ZNF410: variants seen among roughly 807,000 people sequenced by gnomAD.
ZNF410 encodes zinc finger protein 410.
In ZNF410, 18 loss-of-function variants were observed where a neutral mutation model predicts 54.8. That is an observed-to-expected ratio of 0.33 (90% CI 0.23 to 0.49). The LOEUF (loss-of-function observed/expected upper bound fraction) is 0.49. Ranked by LOEUF, ZNF410 falls within the 20% of genes least tolerant of loss-of-function variation. The pLI is 0.99. For synonymous variants in ZNF410, 191 were observed against 207.3 expected (o/e 0.92, Z 0.68); for missense variants, 405 against 569.6 (o/e 0.71, Z 2.94).
At chr14:73,906,716 T>C (rs1273403816) in intron 7 of ZNF410, among the ~76,000 whole-genome samples, 2 of 152,128 alleles carry the variant, frequency 1.3e-5, no homozygotes, top group Non-Finnish European at 2.9e-5. Context: ...TGACCTCAAG[T>C]GATCCGCCGA....
chr14:73,905,677 G>C (rs1422750737), intron 7 of ZNF410: 1 of 152,122 alleles, frequency 6.6e-6, no homozygotes, highest in Admixed American at 6.6e-5. Flanking sequence ...ACTTGGTCCA[G>C]CGTGAGCTAG....
chr14:73,888,766 G>A (rs967302733), intron 1 of ZNF410, among the ~76,000 whole-genome samples: 2 of 152,160 alleles, frequency 1.3e-5, no homozygotes, highest in South Asian at 2.1e-4. Context: ...ACGTTGCTCT[G>A]TTAAAGATGA....
At chr14:73,910,716 G>A (rs1486339295) in intron 8 of ZNF410, among the ~76,000 whole-genome samples, 1 of 141,780 alleles carries the variant, frequency 7.1e-6, no homozygotes, top group Non-Finnish European at 1.5e-5. Context: ...TTGCACCGTT[G>A]CACTCCAGCC....
chr14:73,928,471 C>T (rs529298230), intron 11 of ZNF410, among the ~76,000 whole-genome samples: 1 of 152,244 alleles, frequency 6.6e-6, no homozygotes, highest in South Asian at 2.1e-4. Flanking sequence ...ACTGAAGAAC[C>T]ACTGCATGGT....
At chr14:73,905,964 CACACATATATATAT>C (rs1473200524) in intron 7 of ZNF410, among the ~76,000 whole-genome samples, 9 of 100,604 alleles carry the variant, frequency 8.9e-5, no homozygotes, top group African/African-American at 2.2e-4. Flanking sequence ...CACACACACA[CACACATATATATAT>C]ATATATATAT....
At chr14:73,905,230 C>A in intron 7 of ZNF410, 147 bp downstream of exon 7, 1 of 741,900 alleles carries the variant, frequency 1.3e-6, no homozygotes, top group Non-Finnish European at 2.1e-6. Context: ...TTTCAAATGA[C>A]TTGTTGCACT....
At chr14:73,925,947 T>C (rs1237571550) in intron 11 of ZNF410, among the ~76,000 whole-genome samples, 1 of 152,120 alleles carries the variant, frequency 6.6e-6, no homozygotes, top group East Asian at 1.9e-4. Flanking sequence ...AGTAGGAGGA[T>C]CACCTAAGCC....
At chr14:73,908,375 T>A (rs1437800591) in intron 7 of ZNF410, among the ~76,000 whole-genome samples, 3 of 150,040 alleles carry the variant, frequency 2.0e-5, no homozygotes, top group African/African-American at 5.0e-5. Context: ...ATTACTAAAA[T>A]TTTTTTTTTA....
At chr14:73,896,012 T>A (rs1172145478) in intron 3 of ZNF410, among the ~76,000 whole-genome samples, 1 of 152,234 alleles carries the variant, frequency 6.6e-6, no homozygotes, top group Non-Finnish European at 1.5e-5. Flanking sequence ...AAGGAGAAAG[T>A]ACTGATTTCT....
chr14:73,889,300 A>G (rs938909565), intron 1 of ZNF410, among the ~76,000 whole-genome samples: 8 of 151,962 alleles, frequency 5.3e-5, no homozygotes, highest in Non-Finnish European at 1.0e-4. Flanking sequence ...CAGCCTCCCT[A>G]GTAGCTAGGA....
Position 73,903,761 on chromosome 14 carries a change from A to G in ZNF410, c.581-199A>G, listed in dbSNP as rs2055441793. The stretch of plus-strand genomic sequence containing the variant: ...AGCAGTCCTCCCACCTTGGCTTCCC[A>G]AAGTGCTTGGGATTATAGGTGTGAG... On this transcript the variant is annotated intron_variant, in intron 5 of 11. Coordinates refer to ENST00000555044, the MANE Select transcript of ZNF410 (RefSeq NM_021188.3). 1.6e-5 allele frequency: 11 copies of G among 669,250 alleles called. No individual in the cohort carries two copies. In the South Asian group the frequency reaches 2.5e-4, roughly 15 times the overall value. 41.5% of individuals were successfully genotyped at this position (669,250 alleles called of 1,614,324 possible).
rs915546850 is a variant in ZNF410 at position 73,909,366 on chromosome 14, C to G, written c.939C>G (p.Ala313=). Residue 313 remains alanine, a synonymous_variant, in exon 8 of 12, where the codon GCC becomes GCG. Transcript: ENST00000555044. ...HTGEKPFLCE[A]QGCGRSFAEY... is the part of the protein sequence containing the mutation. ...GAGAGAAACCTTTCCTTTGTGAAGC[C>G]CAAGGATGTGGCCGTTCCTTTGCTG... is the stretch of plus-strand genomic sequence containing the variant. 3.1e-6 allele frequency: 5 copies of G among 1,613,838 alleles called. No individual in the cohort carries two copies. Among genetic ancestry groups the G allele is most frequent in the African/African-American group, 1.3e-5 (1 of 74,856 alleles).
chr14:73,910,893 TAAG>T (rs1473452392), intron 8 of ZNF410, among the ~76,000 whole-genome samples: 4 of 136,704 alleles, frequency 2.9e-5, no homozygotes, highest in East Asian at 4.2e-4. Flanking sequence ...GTAGTGAAGA[TAAG>T]GAGGGAAAGG....
intron 9 of ZNF410, 33 bp from the exon 10 acceptor site, chr14:73,922,033 C>T (rs1266641110): frequency 1.2e-6 from 2 of 1,611,266 alleles, no homozygotes. Flanking sequence ...GCCTTGATTG[C>T]TGTATGTCTC....
intron 7 of ZNF410, among the ~76,000 whole-genome samples, chr14:73,906,755 A>G (rs556226725): frequency 1.2e-4 from 19 of 152,274 alleles, no homozygotes; most frequent in Non-Finnish European, 2.5e-4. Context: ...CTGAGATTAT[A>G]TATGTGAACC....
At chr14:73,903,403 G>A (rs1240757492) in intron 5 of ZNF410, among the ~76,000 whole-genome samples, 3 of 152,196 alleles carry the variant, frequency 2.0e-5, no homozygotes, top group Admixed American at 6.5e-5. Context: ...AAGAGGCCTA[G>A]TCTTGTGAAA....
intron 11 of ZNF410, among the ~76,000 whole-genome samples, chr14:73,924,239 A>G (rs2140327206): frequency 6.6e-6 from 1 of 152,232 alleles, no homozygotes; most frequent in South Asian, 2.1e-4. Flanking sequence ...AGATCCCTCA[A>G]ATACACAGTT....
intron 8 of ZNF410, 158 bp from the exon 9 acceptor site, chr14:73,920,822 C>G (rs947370395): frequency 2.4e-6 from 2 of 842,688 alleles, no homozygotes; most frequent in African/African-American, 3.4e-5. Context: ...CTGCCTTCCC[C>G]CATATACTGA....
chr14:73,922,007 A>G, intron 9 of ZNF410, 59 bp from the exon 10 acceptor site: 1 of 1,576,710 alleles, frequency 6.3e-7, no homozygotes. Flanking sequence ...TTGAAAGAAA[A>G]TGAGGACCAG....
Sources: gnomAD v4.1 joint callset for allele counts (sites outside exome capture counted in the v4.1 genomes callset) on GRCh38, gnomAD v4.1.1 for gene constraint, MANE v1.5 for transcripts, NCBI Gene and HGNC (gene_info 2026-07-23, HGNC 2026-07-21) for gene names.